SLC13A4: variants seen among roughly 807,000 people sequenced by gnomAD.
SLC13A4 encodes the protein solute carrier family 13 member 4.
In SLC13A4, 28 loss-of-function variants were observed where a neutral mutation model predicts 72.7. The observed-to-expected ratio is 0.39, with a 90% confidence interval of 0.29 to 0.53. SLC13A4 has a LOEUF of 0.53. SLC13A4 is among the 20% of genes least tolerant of loss of function. The pLI is 0.78. For synonymous variants in SLC13A4, 312 were observed against 325.5 expected, an observed-to-expected ratio of 0.96 and a Z score of 0.45; for missense variants, 653 against 788.0, an observed-to-expected ratio of 0.83 and a Z score of 2.05.
At chr7:135,690,929 C>T (rs557061112) in intron 13 of SLC13A4, among the ~76,000 whole-genome samples, 55 of 152,196 alleles carry the variant, frequency 3.6e-4, no homozygotes, top group Non-Finnish European at 7.1e-4. Flanking sequence ...TTTTGGGAGG[C>T]CGAGGCAGGT....
At chr7:135,714,327 C>T (rs1796368203) in intron 2 of SLC13A4, among the ~76,000 whole-genome samples, 1 of 152,202 alleles carries the variant, frequency 6.6e-6, no homozygotes, top group Non-Finnish European at 1.5e-5. Context: ...ACCACCCCTG[C>T]CCAGTTTCTT....
chr7:135,692,489 C>T, intron 10 of SLC13A4, 65 bp from the exon 11 acceptor site: 3 of 1,099,560 alleles, frequency 2.7e-6, no homozygotes, highest in Admixed American at 4.8e-5. Flanking sequence ...TTTCACTTTG[C>T]TTCTGGAAGC....
chr7:135,723,805 C>A (rs796987766), intron 1 of SLC13A4, among the ~76,000 whole-genome samples: 1 of 152,000 alleles, frequency 6.6e-6, no homozygotes, highest in Non-Finnish European at 1.5e-5. Context: ...GGGAACTGGG[C>A]CCAAAAGTTG....
intron 13 of SLC13A4, among the ~76,000 whole-genome samples, chr7:135,689,867 G>C (rs748792345): frequency 6.1e-4 from 92 of 151,938 alleles, no homozygotes; most frequent in Non-Finnish European, 1.0e-3. Flanking sequence ...TAATAATGCA[G>C]ATAGTATTTT....
intron 2 of SLC13A4, among the ~76,000 whole-genome samples, chr7:135,715,157 G>A (rs1796390899): frequency 6.6e-6 from 1 of 151,538 alleles, no homozygotes; most frequent in South Asian, 2.1e-4. Context: ...GTATGAGTGT[G>A]TGAGAGTATA....
chr7:135,706,089 T>C (rs1563164450), intron 4 of SLC13A4, 39 bp downstream of exon 4: 3 of 1,536,936 alleles, frequency 2.0e-6, no homozygotes, highest in Admixed American at 3.5e-5. Context: ...CAGGGGAGGT[T>C]GGAGGAGCAA....
chr7:135,698,440 T>G (rs1795954534), intron 8 of SLC13A4, among the ~76,000 whole-genome samples: 1 of 148,234 alleles, frequency 6.7e-6, no homozygotes, highest in Non-Finnish European at 1.5e-5. Context: ...GGTCAAGTGA[T>G]TCTCCTGCCT....
chr7:135,710,567 T>C (rs1201918512), intron 2 of SLC13A4, among the ~76,000 whole-genome samples: 1 of 118,636 alleles, frequency 8.4e-6, no homozygotes. Flanking sequence ...ACTCTGAGGG[T>C]GGGGTGGGAC....
chr7:135,704,172 C>T (rs985474452), intron 5 of SLC13A4: 1 of 152,380 alleles, frequency 6.6e-6, no homozygotes, highest in Admixed American at 6.5e-5. Flanking sequence ...CTGGGACAGG[C>T]CTGCCCAGAG....
chr7:135,718,070 T>TACACACACACACACACACAC (rs148088162), intron 2 of SLC13A4, among the ~76,000 whole-genome samples: 2 of 102,454 alleles, frequency 2.0e-5, no homozygotes, highest in African/African-American at 3.7e-5. Flanking sequence ...AGCCAATTCC[T>TACACACACACACACACACAC]ACACACACAC....
At chr7:135,683,845 G>T in intron 15 of SLC13A4, 1 of 934,864 alleles carries the variant, frequency 1.1e-6, no homozygotes, top group Non-Finnish European at 1.3e-6. Context: ...ACAGGCTCAT[G>T]CCTTCTGGAA....
chr7:135,721,503 C>T lies in SLC13A4; in HGVS notation c.120G>A (p.Val40=). ...CCCAGTACACAGCAGTCACGATCAG[C>T]ACGTAAGCACACGAGGCCTCCTGCA... ...HPSSEASCAY[V]LIVTAVYWVS... Residue 40 remains valine, a synonymous_variant, in exon 2 of 16, where the codon GTG becomes GTA. Coordinates refer to ENST00000682651, the MANE Select transcript of SLC13A4 (RefSeq NM_001318192.2). The T allele has an allele frequency of 6.2e-7, 1 of 1,614,036 alleles. No individual in the cohort carries two copies.
intron 13 of SLC13A4, among the ~76,000 whole-genome samples, chr7:135,688,230 C>T (rs1795685670): frequency 6.6e-6 from 1 of 151,726 alleles, no homozygotes; most frequent in Admixed American, 6.6e-5. Flanking sequence ...CCCACCTTGG[C>T]CTCCCCAAGT....
At chr7:135,683,316 A>G in intron 15 of SLC13A4, 1 of 871,368 alleles carries the variant, frequency 1.1e-6, no homozygotes. Context: ...AAAAAAAAAA[A>G]AAAAAAAAGG....
At chr7:135,681,724 C>T in intron 15 of SLC13A4, 24 bp from the exon 16 acceptor site, 3 of 1,607,268 alleles carry the variant, frequency 1.9e-6, no homozygotes, top group African/African-American at 1.3e-5. Context: ...ACCAGCACAC[C>T]CTAGTCACTC....
intron 12 of SLC13A4, 35 bp from the exon 13 acceptor site, chr7:135,691,360 C>T: frequency 6.3e-7 from 1 of 1,587,246 alleles, no homozygotes; most frequent in Non-Finnish European, 8.6e-7. Flanking sequence ...CAGATAAACC[C>T]TGATGGACGT....
intron 2 of SLC13A4, among the ~76,000 whole-genome samples, chr7:135,714,841 C>T (rs1418567237): frequency 6.6e-6 from 1 of 152,236 alleles, no homozygotes; most frequent in African/African-American, 2.4e-5. Context: ...CGGGTTATCC[C>T]AGCGGGCGCA....
chr7:135,691,567 G>A lies in SLC13A4; in HGVS notation c.1302C>T (p.Cys434=). The A allele has an allele frequency of 6.2e-7, 1 of 1,613,386 alleles. No individual in the cohort carries two copies. Among genetic ancestry groups the A allele is most frequent in the Non-Finnish European group, 8.5e-7 (1 of 1,179,310 alleles). The change falls in exon 12 of 16, where the codon TGC becomes TGT. Residue 434 remains cysteine (C), a synonymous_variant. Coordinates refer to ENST00000682651, the MANE Select transcript of SLC13A4 (RefSeq NM_001318192.2). ...LLFLIPAKKP[C]FGKKNDGENQ... ...TCTCACCATCATTCTTTTTCCCAAA[G>A]CAGGGCTTCTTCGCTGGAATGAGGA... is the stretch of plus-strand genomic sequence containing the variant.
intron 2 of SLC13A4, 100 bp from the exon 3 acceptor site, chr7:135,708,350 A>T: frequency 6.6e-6 from 10 of 1,505,224 alleles, no homozygotes; most frequent in Non-Finnish European, 9.0e-6. Context: ...ACCTGTTCTC[A>T]ATCAAAGAGG....
Sources: allele counts gnomAD v4.1 joint callset (sites outside exome capture counted in the v4.1 genomes callset), GRCh38; gene constraint gnomAD v4.1.1; transcripts MANE v1.5; gene names NCBI Gene and HGNC (gene_info 2026-07-23, HGNC 2026-07-21).